GRPR: variants seen among roughly 807,000 people sequenced by gnomAD.
GRPR encodes the protein gastrin-releasing peptide receptor.
A neutral mutation model predicts 15.6 loss-of-function variants in GRPR; 4 were observed. The ratio of observed to expected loss-of-function variants is 0.26; its 90% confidence interval spans 0.13 to 0.59. The LOEUF (loss-of-function observed/expected upper bound fraction) is 0.59, where lower values mean the gene tolerates loss of function less well. Among genes scored for constraint, GRPR ranks in the 20% least tolerant of loss-of-function variants. The probability of loss-of-function intolerance (pLI) is 0.90; values close to 1 mark genes in which losing one functional copy is unlikely to be tolerated. For synonymous variants in GRPR, 128 were observed against 126.8 expected, an observed-to-expected ratio of 1.01 and a Z score of -0.06; for missense variants, 270 against 304.1, an observed-to-expected ratio of 0.89 and a Z score of 0.83.
Position 16,149,595 on chromosome X carries a change from G to A in GRPR, c.414-710G>A, listed in dbSNP as rs1192524161. On this transcript the variant is annotated intron_variant, in intron 1 of 2. Transcript: ENST00000380289. ...AAGAGGCATATTTAAAATACTCAACGACTTAAGGTTCCCTGAAGTGGATCT... is the reference window on the plus strand; with the variant it reads ...AAGAGGCATATTTAAAATACTCAACAACTTAAGGTTCCCTGAAGTGGATCT... Among the ~76,000 whole-genome samples, 3 of 95,985 alleles carry A rather than the reference G, an allele frequency of 3.1e-5. No individual in the cohort carries two copies. The Admixed American group carries it at 3.7e-4, about 12-fold the overall frequency. 83.4% of individuals were successfully genotyped at this position (95,985 alleles called of 115,157 possible). A position where few individuals can be genotyped will look rare whatever the true frequency, so the allele number is the denominator to read the frequency against.
At chrX:16,135,358 C>T (rs1922432783) in intron 1 of GRPR, among the ~76,000 whole-genome samples, 1 of 112,256 alleles carries the variant, frequency 8.9e-6, no homozygotes, top group African/African-American at 3.2e-5. Flanking sequence ...ATCTTTATTA[C>T]TTTTTCTGTC....
intron 1 of GRPR, among the ~76,000 whole-genome samples, chrX:16,129,676 G>A (rs1922348656): frequency 9.0e-6 from 1 of 111,633 alleles, no homozygotes; most frequent in African/African-American, 3.3e-5. Context: ...AGTGAAGAGG[G>A]AAGAAATGAA....
At chrX:16,135,631 G>A (rs1485489449) in intron 1 of GRPR, among the ~76,000 whole-genome samples, 4 of 111,899 alleles carry the variant, frequency 3.6e-5, no homozygotes, top group Non-Finnish European at 7.5e-5. Context: ...TCTTTTTTCC[G>A]TTTGGTGGTG....
chrX:16,141,365 C>G (rs747113160), intron 1 of GRPR, among the ~76,000 whole-genome samples: 3 of 112,097 alleles, frequency 2.7e-5, no homozygotes, highest in South Asian at 7.5e-4. Flanking sequence ...CCATTTTATC[C>G]CTAAGCTTCT....
chrX:16,129,303 C>T lies in GRPR; in HGVS notation c.413+4937C>T, dbSNP rs1287565084. On this transcript the variant is annotated intron_variant, in intron 1 of 2. Transcript: ENST00000380289. ...CGACATCTAGAGTTGTATGGTCTAACTTGGTAGCCACTAACCACATGTGGC... is the reference window on the plus strand; with the variant it reads ...CGACATCTAGAGTTGTATGGTCTAATTTGGTAGCCACTAACCACATGTGGC... 2.7e-5 allele frequency among the ~76,000 whole-genome samples: 3 copies of T among 112,285 alleles called. No homozygotes were observed. In the East Asian group the frequency reaches 8.4e-4, roughly 31 times the overall value.
At chrX:16,139,518 C>T (rs1435790774) in intron 1 of GRPR, among the ~76,000 whole-genome samples, 1 of 110,140 alleles carries the variant, frequency 9.1e-6, no homozygotes, top group African/African-American at 3.3e-5. Flanking sequence ...TAGCCCAAGA[C>T]AATTCTTCTT....
At chrX:16,137,048 A>G (rs1922459931) in intron 1 of GRPR, among the ~76,000 whole-genome samples, 1 of 110,894 alleles carries the variant, frequency 9.0e-6, no homozygotes, top group African/African-American at 3.3e-5. Context: ...TCCTATTTGA[A>G]TGGAGTGGGA....
Position 16,124,325 on chromosome X carries a change from T to G in GRPR, c.372T>G (p.Val124=), listed in dbSNP as rs990073079. Residue 124 remains valine, a synonymous_variant, in exon 1 of 3, where the codon GTT becomes GTG. Coordinates refer to ENST00000380289, the MANE Select transcript of GRPR (RefSeq NM_005314.3). ...KLIPFIQLTS[V]GVSVFTLTAL... is the part of the protein sequence containing the mutation. ...TCCCCTTTATACAGCTTACCTCTGT[T>G]GGGGTGTCTGTCTTCACACTCACGG... The G allele has an allele frequency of 8.3e-7, 1 of 1,208,866 alleles. No homozygotes were observed. Among genetic ancestry groups the G allele is most frequent in the African/African-American group, 1.8e-5 (1 of 57,003 alleles).
In GRPR at chrX:16,152,266, G is replaced by A; in HGVS notation, c.776G>A (p.Arg259Gln). ...TGATTCTCTCCTTAGATTGAATCCC[G>A]GAAGCGACTTGCCAAGACAGTGCTG... ...NIHVKKQIES[R>Q]KRLAKTVLVF... Residue 259 changes from arginine to glutamine, a missense_variant, in exon 3 of 3, where the codon CGG becomes CAG. Physicochemically the swap from Arg to Gln is conservative, Grantham distance 43 (BLOSUM62 1). Transcript: ENST00000380289. 2 of 1,207,354 alleles carry A rather than the reference G, an allele frequency of 1.7e-6. No homozygotes were observed. Among genetic ancestry groups the A allele is most frequent in the Admixed American group, 2.2e-5 (1 of 45,961 alleles).
chrX:16,133,155 C>T (rs1470220382), intron 1 of GRPR, among the ~76,000 whole-genome samples: 11 of 110,332 alleles, frequency 1.0e-4, no homozygotes, highest in Admixed American at 3.9e-4. Context: ...ATTCTATTTC[C>T]CCTGTCTCTG....
In GRPR at chrX:16,150,585, T is replaced by A. The variant is rs371500304; in HGVS notation, c.694T>A (p.Phe232Ile). ...GTCGATCATCTCTGTTTACTACTACTTCATTGCTAAAAATCTGATCCAGAG... is the reference window on the plus strand; with the variant it reads ...GTCGATCATCTCTGTTTACTACTACATCATTGCTAAAAATCTGATCCAGAG... ...PLSIISVYYY[F>I]IAKNLIQSAY... The change falls in exon 2 of 3, where the codon TTC becomes ATC. Residue 232 changes from phenylalanine to isoleucine, a missense_variant. By Grantham distance (21) the Phe-to-Ile change is conservative. Transcript: ENST00000380289. 2.8e-5 allele frequency: 33 copies of A among 1,199,309 alleles called. No individual in the cohort carries two copies. Among genetic ancestry groups the A allele is most frequent in the Non-Finnish European group, 3.6e-5 (32 of 885,251 alleles).
chrX:16,151,739 A>G (rs1030608503), intron 2 of GRPR, among the ~76,000 whole-genome samples: 3 of 112,222 alleles, frequency 2.7e-5, no homozygotes, highest in Non-Finnish European at 5.6e-5. Flanking sequence ...ATAATAATAG[A>G]GAGTTATCTT....
In GRPR at chrX:16,152,722, TCTGTGC is replaced by T. The variant is rs201124292; in HGVS notation, c.*79_*84del. On this transcript the variant is annotated 3_prime_UTR_variant, in exon 3 of 3. Coordinates refer to ENST00000380289, the MANE Select transcript of GRPR (RefSeq NM_005314.3). ...AGGAACCCTTGCATCCATTGTTGTGTCTGTGCCCTCCAAAGAGCCTTCAGAATGCTC... is the reference window on the plus strand; with the variant it reads ...AGGAACCCTTGCATCCATTGTTGTGTCCTCCAAAGAGCCTTCAGAATGCTC... 782 of 942,072 alleles carry T rather than the reference TCTGTGC, an allele frequency of 8.3e-4. 2 individuals are homozygous for T. The East Asian group carries it at 0.012, about 14-fold the overall frequency. 77.6% of individuals were successfully genotyped at this position (942,072 alleles called of 1,213,427 possible).
At chrX:16,145,515 C>A (rs1004761944) in intron 1 of GRPR, among the ~76,000 whole-genome samples, 1 of 111,427 alleles carries the variant, frequency 9.0e-6, no homozygotes, top group Middle Eastern at 4.6e-3. Context: ...GTGGGATAGG[C>A]GGGAGGCAGT....
intron 1 of GRPR, among the ~76,000 whole-genome samples, chrX:16,142,471 AC>A (rs1376988517): frequency 9.0e-6 from 1 of 110,595 alleles, no homozygotes; most frequent in African/African-American, 3.3e-5. Flanking sequence ...AAACATCCTC[AC>A]CTTTCACCCC....
At chrX:16,125,260 A>C (rs1922272455) in intron 1 of GRPR, among the ~76,000 whole-genome samples, 1 of 112,798 alleles carries the variant, frequency 8.9e-6, no homozygotes, top group Admixed American at 9.4e-5. Flanking sequence ...GCAAGTCAAG[A>C]AATAGCTGCA....
At chrX:16,133,945 A>G (rs1171913917) in intron 1 of GRPR, among the ~76,000 whole-genome samples, 5 of 111,439 alleles carry the variant, frequency 4.5e-5, no homozygotes, top group Non-Finnish European at 9.4e-5. Context: ...AACTTCAACT[A>G]TTGCTTCTAT....
intron 1 of GRPR, among the ~76,000 whole-genome samples, chrX:16,125,992 G>A (rs752490128): frequency 2.3e-4 from 26 of 111,463 alleles, no homozygotes; most frequent in Middle Eastern, 4.6e-3. Context: ...GGTACAGATG[G>A]TGTTTACTCT....
chrX:16,131,553 A>G (rs1200556095), intron 1 of GRPR, among the ~76,000 whole-genome samples: 2 of 112,104 alleles, frequency 1.8e-5, no homozygotes, highest in Non-Finnish European at 3.8e-5. Flanking sequence ...TACCACCACC[A>G]GCACAGTCAA....
Sources: gnomAD v4.1 joint callset for allele counts (sites outside exome capture counted in the v4.1 genomes callset) on GRCh38, gnomAD v4.1.1 for gene constraint, MANE v1.5 for transcripts, NCBI Gene and HGNC (gene_info 2026-07-23, HGNC 2026-07-21) for gene names.